ATXN1: variants seen among roughly 807,000 people sequenced by gnomAD.
ATXN1 encodes the protein ataxin 1.
ATXN1 carries 8 observed loss-of-function variants against 56.4 expected under a neutral mutation model. The ratio of observed to expected loss-of-function variants is 0.14; its 90% confidence interval spans 0.08 to 0.26. The LOEUF is 0.26. ATXN1 is among the 10% of genes least tolerant of loss of function. The probability of loss-of-function intolerance (pLI) is 1.00; values close to 1 mark genes in which losing one functional copy is unlikely to be tolerated. For synonymous variants in ATXN1, 514 were observed against 494.6 expected (o/e 1.04, Z -0.52); for missense variants, 987 against 1,106.5 (o/e 0.89, Z 1.53).
At chr6:16,753,495 C>T (rs866870834) in intron 1 of ATXN1, 148 bp from the exon 2 acceptor site, 2 of 386,330 alleles carry the variant, frequency 5.2e-6, no homozygotes, top group Middle Eastern at 8.8e-4. Context: ...ATGAGAATTA[C>T]ACAGATCCCA....
intron 5 of ATXN1, among the ~76,000 whole-genome samples, chr6:16,520,335 T>C (rs1418601748): frequency 6.6e-6 from 1 of 152,212 alleles, no homozygotes; most frequent in Non-Finnish European, 1.5e-5. Flanking sequence ...TAGTTTTTTC[T>C]CATTTGGTAA....
rs1272754533 is a variant in ATXN1 at position 16,632,840 on chromosome 6, C to CA, written c.-489+24935dup. 2.6e-5 allele frequency among the ~76,000 whole-genome samples: 4 copies of CA among 151,556 alleles called. No individual in the cohort carries two copies. The East Asian group carries it at 5.8e-4, about 22-fold the overall frequency. On this transcript the variant is annotated intron_variant, in intron 3 of 7. Coordinates refer to ENST00000436367, the MANE Select transcript of ATXN1 (RefSeq NM_001128164.2). ...CGAGACCTCGTCGCTACTAATAACACAAAAAAATTAGCCGGGTGTGGTGGC... is the reference window on the plus strand; with the variant it reads ...CGAGACCTCGTCGCTACTAATAACACAAAAAAAATTAGCCGGGTGTGGTGGC...
chr6:16,383,964 T>G (rs1758186956), intron 6 of ATXN1, among the ~76,000 whole-genome samples: 1 of 152,204 alleles, frequency 6.6e-6, no homozygotes, highest in African/African-American at 2.4e-5. Flanking sequence ...CAATGCCACT[T>G]CTTACCAGCA....
At chr6:16,481,537 T>C (rs1013646460) in intron 6 of ATXN1, among the ~76,000 whole-genome samples, 17 of 152,316 alleles carry the variant, frequency 1.1e-4, no homozygotes, top group Non-Finnish European at 2.4e-4. Context: ...AATAAAGTAA[T>C]GCCTGCACTC....
intron 6 of ATXN1, among the ~76,000 whole-genome samples, chr6:16,456,539 A>G (rs1371005116): frequency 6.6e-6 from 1 of 152,164 alleles, no homozygotes; most frequent in Non-Finnish European, 1.5e-5. Flanking sequence ...CAGAGAGGAA[A>G]GCCATTCAGC....
At chr6:16,624,610 T>C (rs778165570) in intron 3 of ATXN1, among the ~76,000 whole-genome samples, 6 of 152,200 alleles carry the variant, frequency 3.9e-5, no homozygotes, top group Non-Finnish European at 7.3e-5. Context: ...GCACCATAGA[T>C]TGAGCATTGC....
intron 4 of ATXN1, among the ~76,000 whole-genome samples, chr6:16,584,556 C>T (rs1466397941): frequency 6.6e-6 from 1 of 151,824 alleles, no homozygotes; most frequent in Non-Finnish European, 1.5e-5. Flanking sequence ...ATGTCGAAAT[C>T]TGGTAAGTTT....
At chr6:16,733,398 A>C (rs1022606554) in intron 2 of ATXN1, among the ~76,000 whole-genome samples, 9 of 152,102 alleles carry the variant, frequency 5.9e-5, no homozygotes, top group African/African-American at 2.2e-4. Context: ...CTGTCTCTAC[A>C]AAAAAATTTT....
At chr6:16,414,000 C>A (rs1458255336) in intron 6 of ATXN1, among the ~76,000 whole-genome samples, 5 of 152,138 alleles carry the variant, frequency 3.3e-5, no homozygotes, top group Admixed American at 2.6e-4. Context: ...GAAAATGGAA[C>A]ATTGATTGTT....
intron 2 of ATXN1, among the ~76,000 whole-genome samples, chr6:16,664,816 T>C (rs951546162): frequency 3.9e-5 from 6 of 152,042 alleles, no homozygotes; most frequent in African/African-American, 1.4e-4. Flanking sequence ...CAAGGAACTT[T>C]TCATTAGGTA....
At position 16,590,671 on chromosome 6, in the gene ATXN1, CT is replaced by C. The variant is rs796851451; in HGVS notation, c.-488-4765del. Among the ~76,000 whole-genome samples the C allele has an allele frequency of 3.5e-3, 512 of 145,040 alleles. 1 individual carries two copies. Among genetic ancestry groups the C allele is most frequent in the Middle Eastern group, 7.1e-3 (2 of 280 alleles). On this transcript the variant is annotated intron_variant, in intron 3 of 7. Coordinates refer to ENST00000436367, the MANE Select transcript of ATXN1 (RefSeq NM_001128164.2). ...ATAAAAATACTAAATTCATAACATT[CT>C]TTTTTTTTTTTCTTTGAGACAAGTT...
chr6:16,444,115 CAA>C (rs59044073), intron 6 of ATXN1, among the ~76,000 whole-genome samples: 3,153 of 131,304 alleles, frequency 0.024, 100 homozygotes, highest in African/African-American at 0.077. Flanking sequence ...GGCTCCGTCT[CAA>C]AAAAAAAAAA....
At chr6:16,542,823 G>C (rs536426495) in intron 4 of ATXN1, among the ~76,000 whole-genome samples, 2 of 151,196 alleles carry the variant, frequency 1.3e-5, no homozygotes, top group African/African-American at 4.9e-5. Flanking sequence ...ATAAGTCACA[G>C]TAAGAGATTA....
intron 1 of ATXN1, 82 bp downstream of exon 1, chr6:16,761,216 A>G (rs1581434261): frequency 1.1e-5 from 4 of 363,560 alleles, no homozygotes; most frequent in African/African-American, 2.6e-5. Context: ...TCGGGGGAGG[A>G]GGGATTTTAA....
intron 6 of ATXN1, among the ~76,000 whole-genome samples, chr6:16,468,693 G>A (rs975050795): frequency 6.6e-6 from 1 of 152,162 alleles, no homozygotes; most frequent in Non-Finnish European, 1.5e-5. Context: ...AGAGGCAAAA[G>A]TCACTCCCCT....
intron 6 of ATXN1, among the ~76,000 whole-genome samples, chr6:16,406,086 T>C (rs1279219292): frequency 6.6e-6 from 1 of 152,228 alleles, no homozygotes; most frequent in African/African-American, 2.4e-5. Flanking sequence ...ATTTAGCTGA[T>C]TGTTCAACGT....
intron 2 of ATXN1, among the ~76,000 whole-genome samples, chr6:16,697,508 C>A (rs1255008731): frequency 1.3e-5 from 2 of 152,030 alleles, no homozygotes; most frequent in East Asian, 3.9e-4. Flanking sequence ...CTTTTTCCCA[C>A]CCAGTGCTCT....
At chr6:16,657,353 T>C (rs964096189) in intron 3 of ATXN1, among the ~76,000 whole-genome samples, 9 of 152,220 alleles carry the variant, frequency 5.9e-5, no homozygotes, top group Admixed American at 4.6e-4. Context: ...CTTCATTATG[T>C]GGCACATGAC....
intron 3 of ATXN1, among the ~76,000 whole-genome samples, chr6:16,586,208 G>T (rs752764864): frequency 6.6e-6 from 1 of 152,014 alleles, no homozygotes; most frequent in African/African-American, 2.4e-5. Flanking sequence ...AAATAATCCC[G>T]TTCCTGCCCC....
Sources: allele counts gnomAD v4.1 joint callset (sites outside exome capture counted in the v4.1 genomes callset), GRCh38; gene constraint gnomAD v4.1.1; transcripts MANE v1.5; gene names NCBI Gene and HGNC (gene_info 2026-07-23, HGNC 2026-07-21).